The following SLC27A1 variants were observed in gnomAD, a reference collection of about 807,000 sequenced individuals.
SLC27A1 encodes the protein solute carrier family 27 member 1.
A neutral mutation model predicts 62.2 loss-of-function variants in SLC27A1; 61 were observed. That is an observed-to-expected ratio of 0.98 (90% CI 0.80 to 1.21). SLC27A1 has a LOEUF of 1.21. Among genes scored for constraint, SLC27A1 ranks in the 50% most tolerant of loss-of-function variants. The pLI is 0.00. For missense variants in SLC27A1, 903 were observed against 932.1 expected (o/e 0.97, Z 0.41); for synonymous variants, 435 against 408.6 (o/e 1.06, Z -0.78).
At chr19:17,483,089 GGAGGGAATGAATGAATGAGGGAAT>G (rs1568413394) in intron 1 of SLC27A1, among the ~76,000 whole-genome samples, 4 of 151,466 alleles carry the variant, frequency 2.6e-5, no homozygotes, top group Non-Finnish European at 4.4e-5. Flanking sequence ...AATGAGGGAA[GGAGGGAATGAATGAATGAGGGAAT>G]GAGGGAATGA....
intron 7 of SLC27A1, 135 bp from the exon 8 acceptor site, chr19:17,500,143 G>C (rs2075393390): frequency 3.0e-5 from 42 of 1,415,368 alleles, no homozygotes; most frequent in Non-Finnish European, 3.9e-5. Flanking sequence ...TGCTTTTGCA[G>C]ATCAGCCAAG....
chr19:17,497,043 G>C (rs1450847447), intron 6 of SLC27A1: 5 of 492,660 alleles, frequency 1.0e-5, no homozygotes, highest in Non-Finnish European at 1.8e-5. Context: ...AAAAAAAGCT[G>C]CATCCTAGAC....
At chr19:17,471,614 C>A (rs1414671641) in intron 1 of SLC27A1, among the ~76,000 whole-genome samples, 1 of 152,058 alleles carries the variant, frequency 6.6e-6, no homozygotes, top group Non-Finnish European at 1.5e-5. Flanking sequence ...CGCCGGCTAG[C>A]GGGGCAGGGC....
chr19:17,477,725 T>C (rs753967705), intron 1 of SLC27A1, among the ~76,000 whole-genome samples: 4 of 151,260 alleles, frequency 2.6e-5, no homozygotes, highest in Non-Finnish European at 4.4e-5. Context: ...GCTAATTTTT[T>C]TGTATTTTTA....
In SLC27A1 at chr19:17,489,200, G is replaced by C. The variant is rs563081322; in HGVS notation, c.996+83G>C. The C allele has an allele frequency of 7.4e-4, 853 of 1,157,602 alleles. 6 individuals are homozygous for C. The African/African-American group carries it at 0.012, about 17-fold the overall frequency. The allele number at this position is 1,157,602 out of a possible 1,614,324, so 71.7% of individuals were successfully genotyped here. A position where few individuals can be genotyped will look rare whatever the true frequency, so the allele number is the denominator to read the frequency against. ...TCCCAATCAGGCCCCACCTCCTCCCGGTGAGGCCCCGTACCTCCCAGCAAA... is the reference window on the plus strand; with the variant it reads ...TCCCAATCAGGCCCCACCTCCTCCCCGTGAGGCCCCGTACCTCCCAGCAAA... On this transcript the variant is annotated intron_variant, in intron 6 of 11. Coordinates refer to ENST00000252595, the MANE Select transcript of SLC27A1 (RefSeq NM_198580.3).
chr19:17,482,049 G>A (rs986798012), intron 1 of SLC27A1, among the ~76,000 whole-genome samples: 1 of 152,100 alleles, frequency 6.6e-6, no homozygotes, highest in Non-Finnish European at 1.5e-5. Context: ...CTCTTCCTTC[G>A]AGATTATTTG....
At chr19:17,499,978 T>C (rs987837454) in intron 7 of SLC27A1, 2 of 421,916 alleles carry the variant, frequency 4.7e-6, no homozygotes, top group East Asian at 4.4e-5. Flanking sequence ...GTGTCTGACG[T>C]AGCTGTAGTG....
chr19:17,476,026 T>A (rs1294153623), intron 1 of SLC27A1, among the ~76,000 whole-genome samples: 2 of 152,136 alleles, frequency 1.3e-5, no homozygotes, highest in East Asian at 3.9e-4. Flanking sequence ...CTCTGGTGTT[T>A]AGCCTGACGG....
At chr19:17,498,376 A>G (rs2075372047) in intron 7 of SLC27A1, 2 of 152,236 alleles carry the variant, frequency 1.3e-5, no homozygotes, top group South Asian at 4.1e-4. Context: ...GTCTCTAAAA[A>G]GGAAAAAAAA....
chr19:17,470,244 C>G (rs187772148), upstream of SLC27A1, among the ~76,000 whole-genome samples: 68 of 151,868 alleles, frequency 4.5e-4, no homozygotes, highest in African/African-American at 1.6e-3. Flanking sequence ...GACCCAGGGT[C>G]CGGGGGCGGA....
intron 1 of SLC27A1, among the ~76,000 whole-genome samples, chr19:17,485,446 C>G (rs1477977002): frequency 2.0e-5 from 3 of 151,888 alleles, no homozygotes; most frequent in Non-Finnish European, 4.4e-5. Context: ...CCTCGGCCTC[C>G]CAAAGTGCTA....
At chr19:17,487,418 C>G in intron 3 of SLC27A1, 42 bp from the exon 4 acceptor site, 2 of 1,555,112 alleles carry the variant, frequency 1.3e-6, no homozygotes, top group Non-Finnish European at 8.7e-7. Flanking sequence ...GCCCCACCCC[C>G]CAATGCTCAG....
At chr19:17,479,970 A>C (rs2075160288) in intron 1 of SLC27A1, among the ~76,000 whole-genome samples, 1 of 151,962 alleles carries the variant, frequency 6.6e-6, no homozygotes, top group Non-Finnish European at 1.5e-5. Flanking sequence ...AGCTACAGTG[A>C]ATAGCACTGT....
At chr19:17,483,339 A>G (rs965996818) in intron 1 of SLC27A1, among the ~76,000 whole-genome samples, 6 of 152,110 alleles carry the variant, frequency 3.9e-5, no homozygotes, top group Admixed American at 3.9e-4. Context: ...AGCAGTAAGC[A>G]TGGTGCATGG....
Position 17,500,854 on chromosome 19 carries a change from C to A in SLC27A1, c.1614C>A (p.Ala538=). The change falls in exon 10 of 12, where the codon GCC becomes GCA. Residue 538 remains alanine, a synonymous_variant. Transcript: ENST00000252595. ...LSRLLGQTDV[A]VYGVAVPGVE... Reference sequence around the variant, plus strand: ...GCCTGCTGGGCCAGACAGACGTGGCCGTCTATGGGGTGGCTGTTCCAGGCA... The same window carrying A: ...GCCTGCTGGGCCAGACAGACGTGGCAGTCTATGGGGTGGCTGTTCCAGGCA... The A allele has an allele frequency of 6.2e-7, 1 of 1,609,970 alleles. No individual in the cohort carries two copies. The highest frequency in any genetic ancestry group is 8.5e-7 in the Non-Finnish European group (1 of 1,178,726).
At chr19:17,479,762 C>T (rs552306954) in intron 1 of SLC27A1, among the ~76,000 whole-genome samples, 67 of 152,054 alleles carry the variant, frequency 4.4e-4, no homozygotes, top group African/African-American at 1.5e-3. Flanking sequence ...TTGTGCCTCA[C>T]ACTTTTGAGT....
intron 1 of SLC27A1, among the ~76,000 whole-genome samples, chr19:17,481,118 T>G (rs2144560344): frequency 6.6e-6 from 1 of 151,778 alleles, no homozygotes; most frequent in East Asian, 2.0e-4. Context: ...TGAGACAGGG[T>G]TTCTCCATGT....
chr19:17,488,844 G>T lies in SLC27A1; in HGVS notation c.795-4G>T. 6.2e-7 allele frequency: 1 copy of T among 1,613,142 alleles called. No homozygotes were observed. Among genetic ancestry groups the T allele is most frequent in the South Asian group, 1.1e-5 (1 of 91,010 alleles). ...TGCCCTCCCGGCTCCCCCTCCCCCTGCAGGTACTACCGCATGGCAGCCTTC... is the reference window on the plus strand; with the variant it reads ...TGCCCTCCCGGCTCCCCCTCCCCCTTCAGGTACTACCGCATGGCAGCCTTC... On this transcript the variant is annotated splice_region_variant and splice_polypyrimidine_tract_variant and intron_variant, in intron 4 of 11. Transcript: ENST00000252595.
At chr19:17,487,403 TC>T in intron 3 of SLC27A1, 56 bp from the exon 4 acceptor site, 1 of 1,128,562 alleles carries the variant, frequency 8.9e-7, no homozygotes, top group Non-Finnish European at 1.2e-6. Context: ...GCCCCCAACT[TC>T]CAGGCCCCAC....
Sources: allele counts gnomAD v4.1 joint callset (sites outside exome capture counted in the v4.1 genomes callset), GRCh38; gene constraint gnomAD v4.1.1; transcripts MANE v1.5; gene names NCBI Gene and HGNC (gene_info 2026-07-23, HGNC 2026-07-21).